ZDHHC24: variants seen among roughly 807,000 people sequenced by gnomAD.
The protein encoded by ZDHHC24 is zDHHC palmitoyltransferase 24, also known as probable palmitoyltransferase ZDHHC24.
ZDHHC24 carries 17 observed loss-of-function variants against 23.2 expected under a neutral mutation model. That is an observed-to-expected ratio of 0.73 (90% confidence interval 0.50 to 1.10). The LOEUF is 1.10. Among genes scored for constraint, ZDHHC24 ranks in the 50% least tolerant of loss-of-function variants. The probability of loss-of-function intolerance (pLI) is 0.00; values close to 1 mark genes in which losing one functional copy is unlikely to be tolerated. For missense variants in ZDHHC24, 366 were observed against 393.0 expected (o/e 0.93, Z 0.58); for synonymous variants, 186 against 194.5 (o/e 0.96, Z 0.36).
chr11:66,540,473 T>G (rs1857120269), intron 2 of ZDHHC24, among the ~76,000 whole-genome samples: 1 of 150,072 alleles, frequency 6.7e-6, no homozygotes, highest in Non-Finnish European at 1.5e-5. Context: ...CTCGTGCCTG[T>G]AATCCCAGTA....
At chr11:66,535,043 C>T (rs1424922666), downstream of ZDHHC24, among the ~76,000 whole-genome samples, 1 of 152,146 alleles carries the variant, frequency 6.6e-6, no homozygotes, top group Non-Finnish European at 1.5e-5. Context: ...CAGGCATGCA[C>T]CACTGCACCT....
downstream of ZDHHC24, among the ~76,000 whole-genome samples, chr11:66,534,756 C>T (rs565600726): frequency 2.3e-3 from 353 of 152,126 alleles, 2 homozygotes; most frequent in African/African-American, 8.3e-3. Flanking sequence ...AGTGCAGTGG[C>T]GCGGTCTCGG....
Position 66,539,533 on chromosome 11 carries a change from G to A in ZDHHC24, c.851C>T (p.Ser284Phe), listed in dbSNP as rs1202104037. The stretch of plus-strand genomic sequence containing the variant: ...CAGCTCTGGCTCTTCCTGGAGTCAG[G>A]AGGCTGTGTGTCCCACATCTGCTGT... The part of the protein sequence containing the change: ...QTTADVGHTA[S>F] Residue 284 changes from serine (S) to phenylalanine (F), a missense_variant, in exon 3 of 3, where the codon TCC becomes TTC. By Grantham distance (155) the Ser-to-Phe change is radical. Transcript: ENST00000310442. 1.3e-6 allele frequency: 2 copies of A among 1,559,886 alleles called. No homozygotes were observed. The highest frequency in any genetic ancestry group is 1.7e-6 in the Non-Finnish European group (2 of 1,152,698).
At chr11:66,531,506 C>T, downstream of ZDHHC24, 1 of 1,032,650 alleles carries the variant, frequency 9.7e-7, no homozygotes, top group Non-Finnish European at 1.5e-6. Flanking sequence ...CACTTCCCCA[C>T]CACACCTGCA....
chr11:66,545,060 G>C lies in ZDHHC24; in HGVS notation c.281+663C>G, dbSNP rs920421416. On this transcript the variant is annotated intron_variant, in intron 1 of 2. Coordinates refer to ENST00000310442, the MANE Select transcript of ZDHHC24 (RefSeq NM_207340.3). This position sits in a 1 kb window ranked among gnomAD's most constrained non-coding sequence, Gnocchi z 4.5. The stretch of plus-strand genomic sequence containing the variant: ...TTTATGTATTTATTTATTTGAGACG[G>C]AGGGAGTCTTGCTCTGTCACCCAGG... 3.9e-5 allele frequency among the ~76,000 whole-genome samples: 6 copies of C among 152,134 alleles called. No homozygotes were observed. Among genetic ancestry groups the C allele is most frequent in the African/African-American group, 1.4e-4 (6 of 41,414 alleles).
Position 66,539,619 on chromosome 11 carries a change from G to A in ZDHHC24, c.765C>T (p.Leu255=), listed in dbSNP as rs778884425. Residue 255 remains leucine (L), a synonymous_variant, in exon 3 of 3, where the codon CTC becomes CTT. Coordinates refer to ENST00000310442, the MANE Select transcript of ZDHHC24 (RefSeq NM_207340.3). Reference sequence around the variant, plus strand: ...AGGCCAGGAAGGGCCAGAGCCAGACGAGGGCCCAGCGGGGCCCCAGGGCTG... The same window carrying A: ...AGGCCAGGAAGGGCCAGAGCCAGACAAGGGCCCAGCGGGGCCCCAGGGCTG... ...LQAALGPRWA[L]VWLWPFLASP... 1.1e-5 allele frequency: 17 copies of A among 1,613,108 alleles called. No individual in the cohort carries two copies. The highest frequency in any genetic ancestry group is 4.4e-5 in the South Asian group (4 of 90,946).
chr11:66,543,757 G>A lies in ZDHHC24; in HGVS notation c.506C>T (p.Thr169Met), dbSNP rs752192038. 14 of 1,606,870 alleles carry A rather than the reference G, an allele frequency of 8.7e-6. No homozygotes were observed. Among genetic ancestry groups the A allele is most frequent in the Admixed American group, 1.7e-5 (1 of 58,340 alleles). The change falls in exon 2 of 3, where the codon ACG becomes ATG. Residue 169 changes from threonine to methionine, a missense_variant. Physicochemically the swap from Thr to Met is moderately conservative, Grantham distance 81. Coordinates refer to ENST00000310442, the MANE Select transcript of ZDHHC24 (RefSeq NM_207340.3). ...PALSALLRAH[T>M]PLHMAALLLL... is the part of the protein sequence containing the mutation. The stretch of plus-strand genomic sequence containing the variant: ...GAGGAGGGCAGCCATGTGGAGGGGC[G>A]TGTGGGCTCGCAGCAGGGCCGACAG...
downstream of ZDHHC24, chr11:66,532,615 CTT>C: frequency 6.4e-6 from 1 of 155,178 alleles, no homozygotes; most frequent in Non-Finnish European, 1.4e-5. Flanking sequence ...CCCCAGGAAA[CTT>C]CTCTGAAATC....
chr11:66,530,070 T>C, intron 2 of ZDHHC24: 2 of 1,423,664 alleles, frequency 1.4e-6, no homozygotes, highest in African/African-American at 1.4e-5. Flanking sequence ...CAGCCCGTGC[T>C]CCCCATCACC....
chr11:66,527,013 G>T, intron 3 of ZDHHC24: 1 of 1,536,784 alleles, frequency 6.5e-7, no homozygotes, highest in Non-Finnish European at 8.7e-7. Context: ...GGTGCTGTGG[G>T]TGACAGCAAG....
At chr11:66,526,122 G>C in intron 4 of ZDHHC24, 1 of 1,614,134 alleles carries the variant, frequency 6.2e-7, no homozygotes, top group Non-Finnish European at 8.5e-7. Flanking sequence ...TCTCCACATA[G>C]GATGCAGTGA....
At chr11:66,529,590 G>A in intron 2 of ZDHHC24, 6 of 691,040 alleles carry the variant, frequency 8.7e-6, no homozygotes, top group Non-Finnish European at 1.3e-5. Flanking sequence ...GAGCTAGATA[G>A]TGCAGGCAGG....
At position 66,545,656 on chromosome 11, in the gene ZDHHC24, G is replaced by A; in HGVS notation, c.281+67C>T. 3 of 1,414,798 alleles carry A rather than the reference G, an allele frequency of 2.1e-6. No individual in the cohort carries two copies. Among genetic ancestry groups the A allele is most frequent in the Non-Finnish European group, 2.8e-6 (3 of 1,088,328 alleles). 87.6% of individuals were successfully genotyped at this position (1,414,798 alleles called of 1,614,324 possible). A position where few individuals can be genotyped will look rare whatever the true frequency, so the allele number is the denominator to read the frequency against. On this transcript the variant is annotated intron_variant, in intron 1 of 2. Transcript: ENST00000310442. This position sits in a 1 kb window ranked among gnomAD's most constrained non-coding sequence, Gnocchi z 4.5. ...ATGTAACCCGGTTCTAACATCTCAGGTCTTGGGGCCCCTCCCCCCTGTCCA... is the reference window on the plus strand; with the variant it reads ...ATGTAACCCGGTTCTAACATCTCAGATCTTGGGGCCCCTCCCCCCTGTCCA...
chr11:66,539,353 A>C lies in ZDHHC24; in HGVS notation c.*176T>G, dbSNP rs1489618455. 1 of 1,332,400 alleles carries C rather than the reference A, an allele frequency of 7.5e-7. No homozygotes were observed. Among genetic ancestry groups the C allele is most frequent in the Non-Finnish European group, 9.6e-7 (1 of 1,045,232 alleles). 82.5% of individuals were successfully genotyped at this position (1,332,400 alleles called of 1,614,324 possible). A position where few individuals can be genotyped will look rare whatever the true frequency, so the allele number is the denominator to read the frequency against. The stretch of plus-strand genomic sequence containing the variant: ...ACCCTCCTCTGCACTCCTCTGCCTA[A>C]GTCACGGCCCAAGCCCTGGACACGT... On this transcript the variant is annotated 3_prime_UTR_variant, in exon 3 of 3. Transcript: ENST00000310442.
chr11:66,526,923 G>A (rs770616254), intron 4 of ZDHHC24: 4 of 1,602,962 alleles, frequency 2.5e-6, no homozygotes, highest in Admixed American at 3.4e-5. Flanking sequence ...GGCCAACTAG[G>A]TAGGTCACTC....
At chr11:66,535,059 A>C (rs776975985), downstream of ZDHHC24, among the ~76,000 whole-genome samples, 126 of 152,008 alleles carry the variant, frequency 8.3e-4, no homozygotes, top group Non-Finnish European at 1.4e-3. Context: ...CACCTGGCTA[A>C]TTTTTGTATT....
At chr11:66,540,935 G>A (rs1425303387) in intron 2 of ZDHHC24, among the ~76,000 whole-genome samples, 3 of 152,166 alleles carry the variant, frequency 2.0e-5, no homozygotes, top group Non-Finnish European at 1.5e-5. Context: ...CAAGTCCACA[G>A]AGACAGAAAG....
intron 2 of ZDHHC24, among the ~76,000 whole-genome samples, chr11:66,540,547 G>A (rs1012718845): frequency 6.6e-6 from 1 of 151,590 alleles, no homozygotes; most frequent in African/African-American, 2.4e-5. Context: ...GACCAACATG[G>A]TGAAACTCCG....
rs1343525166 is a variant in ZDHHC24, at chr11:66,545,870, G to A, written c.134C>T (p.Pro45Leu). The change falls in exon 1 of 3, where the codon CCG (proline) becomes CTG (leucine). Residue 45 changes from proline (P) to leucine (L), a missense_variant. Transcript: ENST00000310442. The surrounding 1 kb of genome is among the most constrained non-coding windows in gnomAD (Gnocchi z 4.5). ...YVLVLGPGPP[P>L]LGPLARALQL... is the part of the protein sequence containing the mutation. The stretch of plus-strand genomic sequence containing the variant: ...CAAGGCCCGGGCCAGGGGTCCCAGC[G>A]GCGGCGGCCCGGGACCGAGCACCAG... 3 of 1,548,746 alleles carry A rather than the reference G, an allele frequency of 1.9e-6. No individual in the cohort carries two copies. The highest frequency in any genetic ancestry group is 1.9e-4 in the Middle Eastern group (1 of 5,188).
Sources: allele counts gnomAD v4.1 joint callset (sites outside exome capture counted in the v4.1 genomes callset), GRCh38; gene constraint gnomAD v4.1.1; non-coding constraint Gnocchi (gnomAD v3.1); transcripts MANE v1.5; gene names NCBI Gene and HGNC (gene_info 2026-07-23, HGNC 2026-07-21).